The following SLC9A2 variants were observed in gnomAD, a reference collection of about 807,000 sequenced individuals.
SLC9A2 encodes solute carrier family 9 member A2.
SLC9A2 carries 42 observed loss-of-function variants against 71.7 expected under a neutral mutation model. The ratio of observed to expected loss-of-function variants is 0.59; its 90% CI spans 0.46 to 0.76. SLC9A2 has a LOEUF of 0.76. Among genes scored for constraint, SLC9A2 ranks in the 30% least tolerant of loss-of-function variants. The pLI is 0.00. For synonymous variants in SLC9A2, 396 were observed against 392.5 expected, an observed-to-expected ratio of 1.01 and a Z score of -0.10; for missense variants, 829 against 1,017.4, an observed-to-expected ratio of 0.81 and a Z score of 2.52.
chr2:102,631,107 T>A (rs1676345688), intron 1 of SLC9A2, among the ~76,000 whole-genome samples: 1 of 152,000 alleles, frequency 6.6e-6, no homozygotes, highest in Non-Finnish European at 1.5e-5. Flanking sequence ...TAATGATATG[T>A]TTTTACTATT....
chr2:102,629,913 G>C (rs1031496050), intron 1 of SLC9A2, among the ~76,000 whole-genome samples: 5 of 152,002 alleles, frequency 3.3e-5, no homozygotes, highest in Non-Finnish European at 7.4e-5. Context: ...GTCATAGGCT[G>C]TTGTGTAAAG....
At chr2:102,657,172 C>T (rs1324653659) in intron 1 of SLC9A2, among the ~76,000 whole-genome samples, 1 of 151,214 alleles carries the variant, frequency 6.6e-6, no homozygotes, top group East Asian at 1.9e-4. Flanking sequence ...TGCCACTGTA[C>T]TCCAGCCCAG....
intron 1 of SLC9A2, among the ~76,000 whole-genome samples, chr2:102,651,596 C>T (rs1188572231): frequency 6.6e-6 from 1 of 152,220 alleles, no homozygotes; most frequent in Non-Finnish European, 1.5e-5. Context: ...CAAGAGGATT[C>T]TCCCATCAAT....
chr2:102,683,446 C>T lies in SLC9A2; in HGVS notation c.1190C>T (p.Thr397Ile), dbSNP rs1352669758. ...TGGAACTGGGCCTTCGTCTGCTTCA[C>T]CCTGGCCTTCTGCCTCATGTGGCGA... is the stretch of plus-strand genomic sequence containing the variant. ...HEWNWAFVCF[T>I]LAFCLMWRAL... The change falls in exon 4 of 12, where the codon ACC becomes ATC. Residue 397 changes from threonine (T) to isoleucine (I), a missense_variant. By Grantham distance (89) the Thr-to-Ile change is moderately conservative. Around this residue, in one of 3 missense-constraint regions of SLC9A2, gnomAD observed 500 missense variants for 726.3 expected, o/e 0.69. Transcript: ENST00000233969. 1 of 1,614,114 alleles carries T rather than the reference C, an allele frequency of 6.2e-7. No individual in the cohort carries two copies. Among genetic ancestry groups the T allele is most frequent in the Non-Finnish European group, 8.5e-7 (1 of 1,180,038 alleles).
rs977565081 is a variant in SLC9A2 at position 102,710,081 on chromosome 2, A to G, written c.*1592A>G. ...GTCTTAGAATACTGCTGGATTGTTG[A>G]GCATGAGACAGAGCAAAGGTTAGAT... On this transcript the variant is annotated 3_prime_UTR_variant, in exon 12 of 12. Transcript: ENST00000233969. 3 of 152,778 alleles carry G rather than the reference A, an allele frequency of 2.0e-5. No individual in the cohort carries two copies. The highest frequency in any genetic ancestry group is 1.5e-5 in the Non-Finnish European group (1 of 68,048). 9.5% of individuals were successfully genotyped at this position (152,778 alleles called of 1,614,324 possible). A position where few individuals can be genotyped will look rare whatever the true frequency, so the allele number is the denominator to read the frequency against.
At chr2:102,664,132 C>T (rs112290757) in intron 2 of SLC9A2, among the ~76,000 whole-genome samples, 54 of 151,942 alleles carry the variant, frequency 3.6e-4, no homozygotes, top group African/African-American at 5.5e-4. Flanking sequence ...AGCAATTAGC[C>T]GGGTGTGGTG....
chr2:102,647,208 G>A (rs993877882), intron 1 of SLC9A2, among the ~76,000 whole-genome samples: 4 of 152,124 alleles, frequency 2.6e-5, no homozygotes, highest in Non-Finnish European at 5.9e-5. Context: ...GCTCCCAAAT[G>A]ACTGCTGTGT....
chr2:102,649,404 A>G (rs1252189240), intron 1 of SLC9A2, among the ~76,000 whole-genome samples: 14 of 152,252 alleles, frequency 9.2e-5, no homozygotes, highest in Admixed American at 9.2e-4. Context: ...CATTCAGGAC[A>G]TAGGCATGGG....
chr2:102,638,910 G>A (rs767066636), intron 1 of SLC9A2, among the ~76,000 whole-genome samples: 2 of 152,246 alleles, frequency 1.3e-5, no homozygotes, highest in Non-Finnish European at 2.9e-5. Flanking sequence ...AAATCCAGGA[G>A]TGATGGCTTA....
intron 6 of SLC9A2, 39 bp from the exon 7 acceptor site, chr2:102,695,004 G>A (rs1677727946): frequency 3.2e-6 from 5 of 1,539,600 alleles, no homozygotes; most frequent in Non-Finnish European, 4.5e-6. Context: ...ATTGATTTCA[G>A]GTAAAGACTA....
intron 4 of SLC9A2, 100 bp downstream of exon 4, chr2:102,683,578 T>C (rs1209248323): frequency 4.5e-6 from 4 of 887,604 alleles, no homozygotes; most frequent in Admixed American, 5.1e-5. Flanking sequence ...GATTCTTTTA[T>C]GTCTGCTTAA....
intron 1 of SLC9A2, among the ~76,000 whole-genome samples, chr2:102,653,697 CA>C (rs1304513878): frequency 6.6e-6 from 1 of 152,168 alleles, no homozygotes; most frequent in East Asian, 1.9e-4. Flanking sequence ...CATGTGAAAG[CA>C]TGGGTCTCTG....
At position 102,644,984 on chromosome 2, in the gene SLC9A2, C is replaced by G. The variant is rs145254141; in HGVS notation, c.290-12580C>G. Among the ~76,000 whole-genome samples, 400 of 152,288 alleles carry G rather than the reference C, an allele frequency of 2.6e-3. 3 individuals carry two copies. Among genetic ancestry groups the G allele is most frequent in the African/African-American group, 8.8e-3 (364 of 41,564 alleles). ...ACTGCCTCCTCAAGTGAGTCCCTGA[C>G]CCCCGTGGCTCCTGACTGGGAGACA... On this transcript the variant is annotated intron_variant, in intron 1 of 11. Coordinates refer to ENST00000233969, the MANE Select transcript of SLC9A2 (RefSeq NM_003048.6).
intron 7 of SLC9A2, among the ~76,000 whole-genome samples, chr2:102,700,842 T>C (rs1573435366): frequency 1.3e-5 from 2 of 152,080 alleles, no homozygotes; most frequent in Non-Finnish European, 2.9e-5. Context: ...TATACATATG[T>C]ATACATACAC....
In SLC9A2 at chr2:102,657,220, T is replaced by A. The variant is rs540696927; in HGVS notation, c.290-344T>A. On this transcript the variant is annotated intron_variant, in intron 1 of 11. Coordinates refer to ENST00000233969, the MANE Select transcript of SLC9A2 (RefSeq NM_003048.6). The stretch of plus-strand genomic sequence containing the variant: ...GACTCCATCTCAAAAAAAAAAATAA[T>A]AATAATAATAATAAAATTGTGTTAT... Among the ~76,000 whole-genome samples the A allele has an allele frequency of 9.7e-4, 147 of 151,392 alleles. 2 individuals carry two copies. Among genetic ancestry groups the A allele is most frequent in the East Asian group, 7.6e-3 (39 of 5,162 alleles).
At chr2:102,672,684 G>A (rs1677275967) in intron 3 of SLC9A2, among the ~76,000 whole-genome samples, 1 of 152,174 alleles carries the variant, frequency 6.6e-6, no homozygotes, top group Admixed American at 6.5e-5. Context: ...GTCCACATTC[G>A]GGGGTTTTAT....
rs996023262 is a variant in SLC9A2, at chr2:102,691,560, G to C, written c.1426-2854G>C. ...TGAAGAAGGAAGGAAAGTAAGAAGGGAGGGAGAATAAGTAAGGCAGCTTTC... is the reference window on the plus strand; with the variant it reads ...TGAAGAAGGAAGGAAAGTAAGAAGGCAGGGAGAATAAGTAAGGCAGCTTTC... On this transcript the variant is annotated intron_variant, in intron 5 of 11. Transcript: ENST00000233969. 5.3e-5 allele frequency among the ~76,000 whole-genome samples: 8 copies of C among 152,298 alleles called. No individual in the cohort carries two copies. In the East Asian group the frequency reaches 1.2e-3, roughly 22 times the overall value.
chr2:102,691,513 T>C (rs1677661539), intron 5 of SLC9A2, among the ~76,000 whole-genome samples: 1 of 152,114 alleles, frequency 6.6e-6, no homozygotes, highest in East Asian at 1.9e-4. Context: ...TGTCATATAC[T>C]CTGCCTGCAA....
chr2:102,668,726 G>C (rs1677190448), intron 3 of SLC9A2, among the ~76,000 whole-genome samples: 2 of 152,170 alleles, frequency 1.3e-5, no homozygotes, highest in African/African-American at 4.8e-5. Context: ...AGGTTAAACT[G>C]CTTCTGTAAT....
Sources: gnomAD v4.1 joint callset for allele counts (sites outside exome capture counted in the v4.1 genomes callset) on GRCh38, gnomAD v4.1.1 for gene constraint, gnomAD v4.1.1 regional missense constraint, MANE v1.5 for transcripts, NCBI Gene and HGNC (gene_info 2026-07-23, HGNC 2026-07-21) for gene names.